The following ATP6V1C1 variants were observed in gnomAD, a reference collection of about 807,000 sequenced individuals.
ATP6V1C1 encodes ATPase H+ transporting V1 subunit C1, also known as V-type proton ATPase subunit C 1.
ATP6V1C1 carries 45 observed loss-of-function variants against 53.9 expected under a neutral mutation model. The ratio of observed to expected loss-of-function variants is 0.83; its 90% confidence interval spans 0.66 to 1.07. The LOEUF (loss-of-function observed/expected upper bound fraction) is 1.07, where lower values mean the gene tolerates loss of function less well. Ranked by LOEUF, ATP6V1C1 falls within the 50% of genes least tolerant of loss-of-function variation. ATP6V1C1 has a pLI of 0.00. For synonymous variants in ATP6V1C1, 153 were observed against 155.2 expected, an observed-to-expected ratio of 0.99 and a Z score of 0.11; for missense variants, 315 against 440.3, an observed-to-expected ratio of 0.72 and a Z score of 2.55.
At chr8:103,059,307 C>T (rs1253625071) in intron 8 of ATP6V1C1, among the ~76,000 whole-genome samples, 2 of 152,150 alleles carry the variant, frequency 1.3e-5, no homozygotes, top group African/African-American at 4.8e-5. Context: ...GCTAAATCTT[C>T]GTCTGTAGCC....
intron 7 of ATP6V1C1, 106 bp downstream of exon 7, chr8:103,054,088 A>G (rs537313679): frequency 3.1e-4 from 254 of 811,026 alleles, no homozygotes; most frequent in Non-Finnish European, 4.5e-4. Flanking sequence ...CGTAAAAGGA[A>G]TATAACCTTG....
intron 8 of ATP6V1C1, among the ~76,000 whole-genome samples, chr8:103,062,561 G>T (rs1466346249): frequency 6.6e-6 from 1 of 152,198 alleles, no homozygotes; most frequent in Admixed American, 6.5e-5. Flanking sequence ...CTGGGCATCA[G>T]TGGGGCTGAG....
intron 1 of ATP6V1C1, among the ~76,000 whole-genome samples, chr8:103,025,373 T>C (rs1185694235): frequency 6.6e-6 from 1 of 152,204 alleles, no homozygotes; most frequent in Admixed American, 6.5e-5. Context: ...AGACTCCTCC[T>C]GGAGGAGAGA....
intron 1 of ATP6V1C1, among the ~76,000 whole-genome samples, chr8:103,039,742 G>A (rs1816961576): frequency 6.6e-6 from 1 of 152,124 alleles, no homozygotes; most frequent in African/African-American, 2.4e-5. Flanking sequence ...AGGGGAAGGA[G>A]GAGGAGGAGG....
intron 12 of ATP6V1C1, 116 bp from the exon 13 acceptor site, chr8:103,068,536 A>T: frequency 1.6e-6 from 1 of 638,134 alleles, no homozygotes; most frequent in East Asian, 3.2e-5. Context: ...AATTAGCCTT[A>T]AGTGCATACA....
chr8:103,039,625 G>T (rs1816958871), intron 1 of ATP6V1C1, among the ~76,000 whole-genome samples: 1 of 152,098 alleles, frequency 6.6e-6, no homozygotes, highest in African/African-American at 2.4e-5. Flanking sequence ...TGGAAATAAT[G>T]ATACCATAAT....
At chr8:103,028,853 A>G (rs1339832772) in intron 1 of ATP6V1C1, among the ~76,000 whole-genome samples, 1 of 152,226 alleles carries the variant, frequency 6.6e-6, no homozygotes, top group East Asian at 1.9e-4. Context: ...AGTAGCTACA[A>G]TTAACCAGCT....
chr8:103,040,107 A>G (rs1816969547), intron 1 of ATP6V1C1, among the ~76,000 whole-genome samples: 1 of 152,206 alleles, frequency 6.6e-6, no homozygotes. Flanking sequence ...TCTCCAAGAT[A>G]AAAGTTATGC....
At chr8:103,055,753 A>T (rs2131398250) in intron 7 of ATP6V1C1, 115 bp from the exon 8 acceptor site, 2 of 892,984 alleles carry the variant, frequency 2.2e-6, no homozygotes, top group Admixed American at 2.7e-5. Context: ...ATAGAGTTGA[A>T]GTATACTTAC....
intron 6 of ATP6V1C1, among the ~76,000 whole-genome samples, chr8:103,053,490 A>G (rs1055136933): frequency 2.0e-5 from 3 of 152,014 alleles, no homozygotes; most frequent in Non-Finnish European, 4.4e-5. Flanking sequence ...GCCTAGTATC[A>G]AATGATACCC....
chr8:103,055,881 G>A lies in ATP6V1C1; in HGVS notation c.586G>A (p.Asp196Asn), dbSNP rs772801674. Residue 196 changes from aspartate (D) to asparagine (N), a missense_variant, in exon 8 of 13, where the codon GAC becomes AAC. Physicochemically the swap from Asp to Asn is conservative, Grantham distance 23. Coordinates refer to ENST00000518738, the MANE Select transcript of ATP6V1C1 (RefSeq NM_001695.5). The stretch of plus-strand genomic sequence containing the variant: ...CCTTTTCTGCAGGTTAAACCACAAC[G>A]ACTGGATTAAGCAGTATGAAACACT... ...LVVVPKLNHN[D>N]WIKQYETLAE... 9.3e-6 allele frequency: 15 copies of A among 1,611,654 alleles called. No homozygotes were observed. Among genetic ancestry groups the A allele is most frequent in the East Asian group, 2.2e-5 (1 of 44,834 alleles).
At chr8:103,058,443 T>G (rs925601822) in intron 8 of ATP6V1C1, among the ~76,000 whole-genome samples, 1 of 152,228 alleles carries the variant, frequency 6.6e-6, no homozygotes, top group African/African-American at 2.4e-5. Context: ...GCAAATAGGC[T>G]TTTTTGAGTG....
intron 10 of ATP6V1C1, 95 bp downstream of exon 10, chr8:103,063,323 G>T: frequency 5.0e-6 from 4 of 805,978 alleles, no homozygotes; most frequent in South Asian, 4.3e-5. Flanking sequence ...AATCTGCTTT[G>T]GTTTTAAGAC....
intron 1 of ATP6V1C1, among the ~76,000 whole-genome samples, chr8:103,022,046 A>G (rs560780793): frequency 6.6e-6 from 1 of 152,350 alleles, no homozygotes; most frequent in East Asian, 1.9e-4. Context: ...AACGTTGGAG[A>G]GAAAAGTCTA....
chr8:103,045,101 G>T (rs898204768), intron 3 of ATP6V1C1, among the ~76,000 whole-genome samples: 2 of 152,156 alleles, frequency 1.3e-5, no homozygotes, highest in African/African-American at 4.8e-5. Flanking sequence ...GGTGTAATTT[G>T]TAAAGTACAG....
In ATP6V1C1 at chr8:103,063,185, A is replaced by G; in HGVS notation, c.785A>G (p.Lys262Arg). 1.2e-6 allele frequency: 2 copies of G among 1,612,744 alleles called. No homozygotes were observed. Among genetic ancestry groups the G allele is most frequent in the Admixed American group, 1.7e-5 (1 of 59,900 alleles). The change falls in exon 10 of 13, where the codon AAA becomes AGA. Residue 262 changes from lysine to arginine, a missense_variant. Physicochemically the swap from Lys to Arg is conservative, Grantham distance 26. Coordinates refer to ENST00000518738, the MANE Select transcript of ATP6V1C1 (RefSeq NM_001695.5). ...QYNEEEMKAD[K>R]EEMNRLSTDK... is the part of the protein sequence containing the mutation. ...AATGAAGAGGAGATGAAAGCAGATA[A>G]AGAAGAAATGAACAGGCTTTCTACT...
intron 3 of ATP6V1C1, among the ~76,000 whole-genome samples, chr8:103,047,267 G>A (rs1817113244): frequency 6.6e-6 from 1 of 151,832 alleles, no homozygotes; most frequent in South Asian, 2.1e-4. Flanking sequence ...AACAAGCCAG[G>A]CTTGTGGCTC....
chr8:103,042,368 T>A lies in ATP6V1C1; in HGVS notation c.161T>A (p.Leu54Ter). 6.2e-7 allele frequency: 1 copy of A among 1,614,078 alleles called. No homozygotes were observed. The highest frequency in any genetic ancestry group is 8.5e-7 in the Non-Finnish European group (1 of 1,179,998). ...KVGTLDVLVG[L>*]SDELAKLDAF... is the part of the protein sequence containing the mutation. ...GGCACGTTGGATGTCTTGGTTGGCT[T>A]GTCAGATGAACTGGCTAAACTGGAT... The change falls in exon 3 of 13, where the codon TTG becomes TAG. Residue 54 changes from leucine to a stop codon, truncating the protein, a stop_gained. Transcript: ENST00000518738. LOFTEE classifies it high-confidence loss of function.
chr8:103,066,310 T>A lies in ATP6V1C1; in HGVS notation c.927-11T>A. On this transcript the variant is annotated splice_polypyrimidine_tract_variant and intron_variant, in intron 11 of 12. Coordinates refer to ENST00000518738, the MANE Select transcript of ATP6V1C1 (RefSeq NM_001695.5). The stretch of plus-strand genomic sequence containing the variant: ...CTTGTATTGCGTACTGTATTTCTGC[T>A]TTTTTGTAAGGTATGGCTTGCCAGT... 6.3e-7 allele frequency: 1 copy of A among 1,597,254 alleles called. No individual in the cohort carries two copies. Among genetic ancestry groups the A allele is most frequent in the Non-Finnish European group, 8.5e-7 (1 of 1,175,498 alleles).
Sources: gnomAD v4.1 joint callset for allele counts (sites outside exome capture counted in the v4.1 genomes callset) on GRCh38, gnomAD v4.1.1 for gene constraint, MANE v1.5 for transcripts, NCBI Gene and HGNC (gene_info 2026-07-23, HGNC 2026-07-21) for gene names.